The following LARGE1 variants were observed in gnomAD, a reference collection of about 807,000 sequenced individuals.
LARGE1 encodes xylosyl- and glucuronyltransferase LARGE1.
In LARGE1, 43 loss-of-function variants were observed where a neutral mutation model predicts 87.6. The ratio of observed to expected loss-of-function variants is 0.49; its 90% confidence interval spans 0.38 to 0.63. LARGE1 has a LOEUF of 0.63. Among genes scored for constraint, LARGE1 ranks in the 30% least tolerant of loss-of-function variants. The pLI is 0.00. For missense variants in LARGE1, 802 were observed against 1,000.2 expected (o/e 0.80, Z 2.67); for synonymous variants, 434 against 394.6 (o/e 1.10, Z -1.18).
At chr22:33,426,986 C>A (rs760368445) in intron 7 of LARGE1, among the ~76,000 whole-genome samples, 7 of 152,210 alleles carry the variant, frequency 4.6e-5, no homozygotes, top group Non-Finnish European at 1.0e-4. Context: ...CCTTCCCTCA[C>A]CTCATTCTCC....
chr22:33,668,405 G>A (rs1038147758), intron 2 of LARGE1, among the ~76,000 whole-genome samples: 1 of 152,136 alleles, frequency 6.6e-6, no homozygotes, highest in African/African-American at 2.4e-5. Context: ...TGATACTGTC[G>A]AATAAATGAG....
At chr22:33,609,868 GTTTTT>G (rs538312076) in intron 4 of LARGE1, among the ~76,000 whole-genome samples, 1 of 151,720 alleles carries the variant, frequency 6.6e-6, no homozygotes, top group Non-Finnish European at 1.5e-5. Context: ...TTTTTAAGAA[GTTTTT>G]TTTAAGAGTT....
chr22:33,484,937 AG>A (rs1472563792), intron 6 of LARGE1, among the ~76,000 whole-genome samples: 2 of 145,996 alleles, frequency 1.4e-5, no homozygotes, highest in Non-Finnish European at 3.0e-5. Flanking sequence ...TTTGAGACAG[AG>A]TCTCGCTCTG....
At chr22:33,531,795 C>T (rs1277313958) in intron 6 of LARGE1, among the ~76,000 whole-genome samples, 2 of 152,292 alleles carry the variant, frequency 1.3e-5, no homozygotes, top group Non-Finnish European at 2.9e-5. Context: ...GCTGTAGGGT[C>T]TCAAGGACCA....
chr22:33,586,897 G>A (rs2078693897), intron 5 of LARGE1, among the ~76,000 whole-genome samples: 1 of 152,116 alleles, frequency 6.6e-6, no homozygotes, highest in Non-Finnish European at 1.5e-5. Context: ...TCTGCAAAAT[G>A]CAATGAAAAC....
Position 33,601,764 on chromosome 22 carries a change from C to T in LARGE1, c.615+2671G>A, listed in dbSNP as rs2079119675. 3.3e-5 allele frequency among the ~76,000 whole-genome samples: 5 copies of T among 152,036 alleles called. No individual in the cohort carries two copies. The South Asian group carries it at 1.0e-3, about 32-fold the overall frequency. The stretch of plus-strand genomic sequence containing the variant: ...GGGTTAGAGGACAGGACTCTAGAGA[C>T]AATATTCTTTTGAACGTATCAGATT... On this transcript the variant is annotated intron_variant, in intron 5 of 14. Coordinates refer to ENST00000397394, the MANE Select transcript of LARGE1 (RefSeq NM_133642.5).
chr22:33,826,288 C>A (rs1358042802), intron 1 of LARGE1, among the ~76,000 whole-genome samples: 1 of 151,818 alleles, frequency 6.6e-6, no homozygotes, highest in African/African-American at 2.4e-5. Context: ...TGACTGCAGT[C>A]TCTACCCTCA....
chr22:33,677,810 A>AT (rs2081627480), intron 2 of LARGE1, among the ~76,000 whole-genome samples: 1 of 151,732 alleles, frequency 6.6e-6, no homozygotes. Context: ...TTGAGACCCG[A>AT]TTAGTCACAT....
In LARGE1 at chr22:33,316,997, T is replaced by G. The variant is rs1230922934; in HGVS notation, c.1288-749A>C. Among the ~76,000 whole-genome samples the G allele has an allele frequency of 7.2e-5, 11 of 152,254 alleles. No individual in the cohort carries two copies. In the East Asian group the frequency reaches 2.1e-3, roughly 29 times the overall value. On this transcript the variant is annotated intron_variant, in intron 10 of 14. Coordinates refer to ENST00000397394, the MANE Select transcript of LARGE1 (RefSeq NM_133642.5). ...GGGAGGCCAAGGTGGCTGGATCACC[T>G]GAGGTCAGGAGTTCGAGACCACCCT... is the stretch of plus-strand genomic sequence containing the variant.
At chr22:33,702,555 G>T (rs902131567) in intron 2 of LARGE1, among the ~76,000 whole-genome samples, 1 of 152,186 alleles carries the variant, frequency 6.6e-6, no homozygotes, top group Non-Finnish European at 1.5e-5. Flanking sequence ...GAAAACACGG[G>T]ACCTTGACAA....
chr22:33,854,976 CAG>C (rs201773558), intron 1 of LARGE1, among the ~76,000 whole-genome samples: 1 of 151,940 alleles, frequency 6.6e-6, no homozygotes, highest in Admixed American at 6.6e-5. Context: ...AGGCATTCAG[CAG>C]AGAGAGAGAG....
At chr22:33,904,478 A>G (rs916519165) in intron 1 of LARGE1, among the ~76,000 whole-genome samples, 3 of 152,094 alleles carry the variant, frequency 2.0e-5, no homozygotes, top group Non-Finnish European at 4.4e-5. Context: ...TGCCAGATGT[A>G]CTGGGAAAAA....
downstream of LARGE1, among the ~76,000 whole-genome samples, chr22:33,159,590 T>C (rs1423727085): frequency 6.6e-6 from 1 of 151,692 alleles, no homozygotes; most frequent in East Asian, 1.9e-4. Flanking sequence ...TAAATTTTTT[T>C]TTTTTTTTTT....
chr22:33,604,411 A>G, intron 5 of LARGE1, 24 bp downstream of exon 5: 5 of 1,613,894 alleles, frequency 3.1e-6, no homozygotes, highest in Non-Finnish European at 3.4e-6. Flanking sequence ...GAGATCACGG[A>G]AGTGCCTCCC....
chr22:33,318,831 C>T (rs552886469), intron 10 of LARGE1, among the ~76,000 whole-genome samples: 64 of 151,572 alleles, frequency 4.2e-4, no homozygotes, highest in African/African-American at 1.3e-3. Flanking sequence ...GTCTATCACA[C>T]GATAGAATAC....
At chr22:33,340,485 G>A (rs138099562) in intron 9 of LARGE1, among the ~76,000 whole-genome samples, 1 of 152,046 alleles carries the variant, frequency 6.6e-6, no homozygotes, top group African/African-American at 2.4e-5. Context: ...CATGAGGACT[G>A]CACTGTGAGG....
intron 9 of LARGE1, among the ~76,000 whole-genome samples, chr22:33,345,238 A>G (rs1939620696): frequency 6.6e-6 from 1 of 152,174 alleles, no homozygotes; most frequent in African/African-American, 2.4e-5. Flanking sequence ...AGATGAGAAA[A>G]GTTTAGCACG....
the LARGE1 span, among the ~76,000 whole-genome samples, chr22:33,093,509 A>G: frequency 1.3e-5 from 2 of 152,164 alleles, no homozygotes; most frequent in East Asian, 3.9e-4. Context: ...GTAAACGTAA[A>G]TGGACCCAGG....
At chr22:33,843,520 C>G (rs1346576897) in intron 1 of LARGE1, among the ~76,000 whole-genome samples, 1 of 151,452 alleles carries the variant, frequency 6.6e-6, no homozygotes, top group Non-Finnish European at 1.5e-5. Flanking sequence ...GAAAGAGTAG[C>G]GGATGCAGGA....
Sources: allele counts gnomAD v4.1 joint callset (sites outside exome capture counted in the v4.1 genomes callset), GRCh38; gene constraint gnomAD v4.1.1; transcripts MANE v1.5; gene names NCBI Gene and HGNC (gene_info 2026-07-23, HGNC 2026-07-21).